PPARGC1A: variants seen among roughly 807,000 people sequenced by gnomAD.
PPARGC1A encodes PPARG coactivator 1 alpha, also known as peroxisome proliferator-activated receptor gamma coactivator 1-alpha.
PPARGC1A carries 25 observed loss-of-function variants against 88.7 expected under a neutral mutation model. The observed-to-expected ratio is 0.28, with a 90% CI of 0.21 to 0.39. The LOEUF (loss-of-function observed/expected upper bound fraction) is 0.39, where lower values mean the gene tolerates loss of function less well. Ranked by LOEUF, PPARGC1A falls within the 10% of genes least tolerant of loss-of-function variation. PPARGC1A has a pLI of 1.00. For missense variants in PPARGC1A, 880 were observed against 968.7 expected (o/e 0.91, Z 1.22); for synonymous variants, 363 against 355.6 (o/e 1.02, Z -0.24).
At chr4:24,472,417 G>C in the PPARGC1A span, among the ~76,000 whole-genome samples, 2 of 152,088 alleles carry the variant, frequency 1.3e-5, no homozygotes, top group Non-Finnish European at 2.9e-5. This position sits in a 1 kb window ranked among gnomAD's most constrained non-coding sequence, Gnocchi z 4.5. Context: ...AGTTGTAAAA[G>C]AAGGAAGAGA....
At chr4:24,107,478 T>A in the PPARGC1A span, among the ~76,000 whole-genome samples, 2 of 152,234 alleles carry the variant, frequency 1.3e-5, no homozygotes. Flanking sequence ...CCCTATTATT[T>A]TCGATCTGAC....
At chr4:24,289,025 G>A in the PPARGC1A span, among the ~76,000 whole-genome samples, 2 of 152,062 alleles carry the variant, frequency 1.3e-5, no homozygotes, top group African/African-American at 4.8e-5. Flanking sequence ...TTCCAGGCCA[G>A]CCTGGCCAAT....
chr4:24,046,085 A>T, the PPARGC1A span, among the ~76,000 whole-genome samples: 2 of 152,214 alleles, frequency 1.3e-5, no homozygotes, highest in Non-Finnish European at 2.9e-5. Flanking sequence ...ATAGAGTAAC[A>T]ATGTACCCTG....
At chr4:24,386,000 G>C in the PPARGC1A span, among the ~76,000 whole-genome samples, 1 of 152,068 alleles carries the variant, frequency 6.6e-6, no homozygotes, top group Non-Finnish European at 1.5e-5. Context: ...TCAATAAAAT[G>C]CTGGCAAATT....
chr4:24,286,330 C>T, the PPARGC1A span, among the ~76,000 whole-genome samples: 2 of 152,176 alleles, frequency 1.3e-5, no homozygotes, highest in Non-Finnish European at 2.9e-5. Flanking sequence ...TTCTCTCCTG[C>T]TAATAGCAAC....
the PPARGC1A span, among the ~76,000 whole-genome samples, chr4:24,026,382 T>C: frequency 1.3e-5 from 2 of 152,176 alleles, no homozygotes; most frequent in Non-Finnish European, 2.9e-5. Context: ...GAACTCCTGG[T>C]AGAGATTATC....
intron 2 of PPARGC1A, among the ~76,000 whole-genome samples, chr4:23,874,823 T>G (rs891086208): frequency 6.6e-6 from 1 of 152,180 alleles, no homozygotes; most frequent in African/African-American, 2.4e-5. Context: ...CCCTACCTCC[T>G]CCCTTTCTTT....
the PPARGC1A span, among the ~76,000 whole-genome samples, chr4:23,918,846 TAA>T: frequency 6.6e-6 from 1 of 152,134 alleles, no homozygotes; most frequent in African/African-American, 2.4e-5. Context: ...CTAACATGAA[TAA>T]AGATAGGAGC....
At chr4:24,387,502 G>A in the PPARGC1A span, among the ~76,000 whole-genome samples, 4 of 152,164 alleles carry the variant, frequency 2.6e-5, no homozygotes, top group Admixed American at 2.0e-4. Context: ...GAGGCGGGTG[G>A]ATCATGAGGT....
the PPARGC1A span, among the ~76,000 whole-genome samples, chr4:24,142,004 T>C: frequency 2.8e-4 from 43 of 152,176 alleles, no homozygotes; most frequent in African/African-American, 9.9e-4. Context: ...TATGAACCTT[T>C]CGTGAGGCAC....
At chr4:24,467,863 T>C in the PPARGC1A span, among the ~76,000 whole-genome samples, 1 of 152,154 alleles carries the variant, frequency 6.6e-6, no homozygotes, top group Non-Finnish European at 1.5e-5. Context: ...ATTTCTAGTC[T>C]GGAAAATTTG....
At chr4:24,258,305 T>G in the PPARGC1A span, 1 of 464,270 alleles carries the variant, frequency 2.2e-6, no homozygotes, top group African/African-American at 2.1e-5. Context: ...ACCCCCACTT[T>G]GCAGATGGGG....
chr4:24,387,820 G>T, the PPARGC1A span, among the ~76,000 whole-genome samples: 1 of 68,024 alleles, frequency 1.5e-5, no homozygotes, highest in East Asian at 4.6e-4. Context: ...AAGAAAGAAA[G>T]AAAGAGAGAA....
chr4:24,153,528 T>C, the PPARGC1A span, among the ~76,000 whole-genome samples: 1 of 152,178 alleles, frequency 6.6e-6, no homozygotes, highest in African/African-American at 2.4e-5. Flanking sequence ...ATAGGAGACA[T>C]ATGCCAGTTG....
chr4:24,295,340 A>G, the PPARGC1A span, among the ~76,000 whole-genome samples: 73 of 152,058 alleles, frequency 4.8e-4, no homozygotes, highest in African/African-American at 1.5e-3. Flanking sequence ...TGCCAAATAT[A>G]CCCTCTCTTT....
the PPARGC1A span, among the ~76,000 whole-genome samples, chr4:24,218,391 C>T: frequency 1.3e-4 from 20 of 152,298 alleles, no homozygotes; most frequent in African/African-American, 4.8e-4. Context: ...AAGCCCTGGA[C>T]AAAACCATCC....
the PPARGC1A span, among the ~76,000 whole-genome samples, chr4:24,077,611 T>C: frequency 6.8e-6 from 1 of 147,158 alleles, no homozygotes; most frequent in Non-Finnish European, 1.5e-5. Context: ...AATGTTTCAA[T>C]GATGTGTCTA....
At chr4:24,178,738 T>C in the PPARGC1A span, among the ~76,000 whole-genome samples, 1 of 152,210 alleles carries the variant, frequency 6.6e-6, no homozygotes, top group Non-Finnish European at 1.5e-5. Flanking sequence ...GTGCTGAGCT[T>C]TGTTGCGAAT....
At chr4:24,011,985 A>G in the PPARGC1A span, among the ~76,000 whole-genome samples, 870 of 152,276 alleles carry the variant, frequency 5.7e-3, 7 homozygotes, top group African/African-American at 0.02. Context: ...GCAACCCAGC[A>G]AAAGGCCTTT....
Sources: gnomAD v4.1 joint callset for allele counts (sites outside exome capture counted in the v4.1 genomes callset) on GRCh38, gnomAD v4.1.1 for gene constraint, Gnocchi (gnomAD v3.1) non-coding constraint, MANE v1.5 for transcripts, NCBI Gene and HGNC (gene_info 2026-07-23, HGNC 2026-07-21) for gene names.